Variants in FRMPD4 observed in about 807,000 individuals in gnomAD.
FRMPD4 encodes FERM and PDZ domain containing 4.
In FRMPD4, 22 loss-of-function variants were observed where a neutral mutation model predicts 94.1. That is an observed-to-expected ratio of 0.23 (90% CI 0.17 to 0.33). The LOEUF is 0.33. Ranked by LOEUF, FRMPD4 falls within the 10% of genes least tolerant of loss-of-function variation. FRMPD4 has a pLI of 1.00. For synonymous variants in FRMPD4, 631 were observed against 548.6 expected, an observed-to-expected ratio of 1.15 and a Z score of -2.10; for missense variants, 1,111 against 1,339.9, an observed-to-expected ratio of 0.83 and a Z score of 2.67.
chrX:12,432,347 A>C (rs2057019316), intron 1 of FRMPD4, among the ~76,000 whole-genome samples: 1 of 112,298 alleles, frequency 8.9e-6, no homozygotes, highest in Admixed American at 9.4e-5. Context: ...TTACTTGAAA[A>C]CCTAGCAACC....
intron 11 of FRMPD4, among the ~76,000 whole-genome samples, chrX:12,705,387 T>C (rs2041857636): frequency 8.9e-6 from 1 of 112,141 alleles, no homozygotes; most frequent in Non-Finnish European, 1.9e-5. Flanking sequence ...CACTTTCCAA[T>C]TGATATTAGC....
intron 1 of FRMPD4, among the ~76,000 whole-genome samples, chrX:12,354,207 CATCTCATTCATGACATGTT>C: frequency 8.9e-6 from 1 of 112,329 alleles, no homozygotes; most frequent in Non-Finnish European, 1.9e-5. Context: ...AACGCAAGTT[CATCTCATTCATGACATGTT>C]ATCTCATTCA....
intron 1 of FRMPD4, among the ~76,000 whole-genome samples, chrX:12,393,069 C>A (rs1480671158): frequency 1.8e-5 from 2 of 112,572 alleles, no homozygotes; most frequent in East Asian, 2.8e-4. Context: ...GCAGGGACTG[C>A]AAATCCAGTT....
chrX:12,012,118 C>G (rs1422870239), intron 3 of FRMPD4, among the ~76,000 whole-genome samples: 3 of 111,062 alleles, frequency 2.7e-5, no homozygotes, highest in Non-Finnish European at 3.8e-5. Context: ...CCAGGATGGT[C>G]TCTATCTCTT....
chrX:12,681,093 T>C (rs1232250674), intron 5 of FRMPD4, among the ~76,000 whole-genome samples: 4 of 111,814 alleles, frequency 3.6e-5, no homozygotes, highest in African/African-American at 1.3e-4. Flanking sequence ...AACCTCAGTA[T>C]CTGGCACACT....
intron 1 of FRMPD4, among the ~76,000 whole-genome samples, chrX:11,844,153 A>G (rs990436585): frequency 3.3e-5 from 3 of 91,181 alleles, no homozygotes; most frequent in Non-Finnish European, 4.4e-5. Flanking sequence ...ACACCCAGCT[A>G]TTTTTTTTTT....
At chrX:11,998,850 C>T (rs964827088) in intron 3 of FRMPD4, among the ~76,000 whole-genome samples, 1 of 111,965 alleles carries the variant, frequency 8.9e-6, no homozygotes, top group Non-Finnish European at 1.9e-5. Flanking sequence ...TAGGAAACAA[C>T]TTGTCTTTCC....
At chrX:12,240,420 G>A (rs1262153835) in intron 1 of FRMPD4, among the ~76,000 whole-genome samples, 1 of 112,333 alleles carries the variant, frequency 8.9e-6, no homozygotes, top group African/African-American at 3.2e-5. Context: ...AAGTGATGCA[G>A]ATGAGAGACC....
chrX:11,955,286 T>C (rs765938485), intron 3 of FRMPD4, among the ~76,000 whole-genome samples: 4 of 110,037 alleles, frequency 3.6e-5, no homozygotes, highest in African/African-American at 1.3e-4. Flanking sequence ...GGTGGGTGCG[T>C]GGGGGGACAC....
At position 12,660,552 on chromosome X, in the gene FRMPD4, G is replaced by A. The variant is rs2059703414; in HGVS notation, c.423-14311G>A. ...GTATACTAAGGGAGTCATTGGCTTG[G>A]ACATTTTATCTTCCTTGATAAGGGA... On this transcript the variant is annotated intron_variant, in intron 4 of 16. Coordinates refer to ENST00000675598, the MANE Select transcript of FRMPD4 (RefSeq NM_001368397.1). Among the ~76,000 whole-genome samples, 5 of 112,212 alleles carry A rather than the reference G, an allele frequency of 4.5e-5. No individual in the cohort carries two copies. In the South Asian group the frequency reaches 1.8e-3, roughly 41 times the overall value.
intron 1 of FRMPD4, among the ~76,000 whole-genome samples, chrX:11,850,594 A>C (rs1241232576): frequency 1.8e-5 from 2 of 112,657 alleles, no homozygotes; most frequent in East Asian, 5.5e-4. Context: ...TATGGTGTAT[A>C]CATACAGTGG....
intron 3 of FRMPD4, among the ~76,000 whole-genome samples, chrX:12,120,284 T>C (rs1392757670): frequency 8.9e-6 from 1 of 112,519 alleles, no homozygotes; most frequent in East Asian, 2.8e-4. Flanking sequence ...TAGTGTGTGG[T>C]ATGAATCATC....
chrX:11,837,084 A>C (rs1412654415), intron 1 of FRMPD4, among the ~76,000 whole-genome samples: 2 of 111,916 alleles, frequency 1.8e-5, no homozygotes, highest in Admixed American at 1.9e-4. Flanking sequence ...TATGAGCCCC[A>C]AAATATCTAA....
At chrX:11,981,996 T>C (rs971079565) in intron 3 of FRMPD4, among the ~76,000 whole-genome samples, 1 of 112,031 alleles carries the variant, frequency 8.9e-6, no homozygotes, top group African/African-American at 3.2e-5. Context: ...AGTATTTTTA[T>C]GTGCTCAATG....
In FRMPD4 at chrX:11,888,541, T is replaced by C. The variant is rs376061408; in HGVS notation, c.95+10523T>C. Among the ~76,000 whole-genome samples, 15 of 112,071 alleles carry C rather than the reference T, an allele frequency of 1.3e-4. No homozygotes were observed. In the South Asian group the frequency reaches 5.6e-3, roughly 41 times the overall value. ...TCAATAGGGCTGTTTCATTTTTATATAGAAAATTTGAACACCATGACTCAA... is the reference window on the plus strand; with the variant it reads ...TCAATAGGGCTGTTTCATTTTTATACAGAAAATTTGAACACCATGACTCAA... On this transcript the variant is annotated intron_variant, in intron 3 of 18. Transcript: ENST00000640291.
intron 3 of FRMPD4, among the ~76,000 whole-genome samples, chrX:11,885,310 C>T (rs932068500): frequency 9.0e-6 from 1 of 110,934 alleles, no homozygotes. Context: ...CTACTTATAG[C>T]ACTTATTCTA....
intron 2 of FRMPD4, among the ~76,000 whole-genome samples, chrX:11,867,334 C>A (rs2053726386): frequency 8.9e-6 from 1 of 112,055 alleles, no homozygotes; most frequent in Non-Finnish European, 1.9e-5. Flanking sequence ...AACTCTGTTT[C>A]TAATGCTTGA....
intron 1 of FRMPD4, among the ~76,000 whole-genome samples, chrX:12,290,372 A>T (rs936487991): frequency 8.9e-6 from 1 of 112,472 alleles, no homozygotes; most frequent in African/African-American, 3.2e-5. Context: ...TGGCTTTGAT[A>T]CTTCACAAGC....
chrX:12,155,848 T>C (rs1424050908), intron 1 of FRMPD4, among the ~76,000 whole-genome samples: 2 of 111,495 alleles, frequency 1.8e-5, no homozygotes, highest in East Asian at 5.6e-4. Flanking sequence ...CACCACCTGT[T>C]TTTTTAAAAT....
Sources: gnomAD v4.1 joint callset for allele counts (sites outside exome capture counted in the v4.1 genomes callset) on GRCh38, gnomAD v4.1.1 for gene constraint, MANE v1.5 for transcripts, NCBI Gene and HGNC (gene_info 2026-07-23, HGNC 2026-07-21) for gene names.